Variants in CSMD3 observed in about 807,000 individuals in gnomAD.
CSMD3 encodes the protein CUB and Sushi multiple domains 3.
Under a neutral mutation model 435.2 loss-of-function variants are expected in CSMD3, and 177 were observed. The observed-to-expected ratio is 0.41, with a 90% confidence interval of 0.36 to 0.46. CSMD3 has a LOEUF of 0.46. Ranked by LOEUF, CSMD3 falls within the 20% of genes least tolerant of loss-of-function variation. The pLI, the probability that CSMD3 is intolerant of heterozygous loss-of-function variation, is 0.34. For synonymous variants in CSMD3, 1,656 were observed against 1,520.5 expected, an observed-to-expected ratio of 1.09 and a Z score of -2.07; for missense variants, 4,265 against 4,504.6, an observed-to-expected ratio of 0.95 and a Z score of 1.52.
chr8:112,461,906 A>G (rs1817485829), intron 32 of CSMD3, among the ~76,000 whole-genome samples: 2 of 147,088 alleles, frequency 1.4e-5, no homozygotes, highest in African/African-American at 4.9e-5. Context: ...CAACTTTCCC[A>G]TACTTTAATT....
At chr8:113,238,390 G>A (rs1279473712) in intron 3 of CSMD3, among the ~76,000 whole-genome samples, 1 of 152,024 alleles carries the variant, frequency 6.6e-6, no homozygotes, top group Non-Finnish European at 1.5e-5. Context: ...AATTATATTG[G>A]GGTTAGACCA....
At chr8:112,626,496 TAATC>T (rs1211061968) in intron 22 of CSMD3, among the ~76,000 whole-genome samples, 1 of 152,100 alleles carries the variant, frequency 6.6e-6, no homozygotes, top group African/African-American at 2.4e-5. Flanking sequence ...AAAGTAGAAA[TAATC>T]TATATACACA....
intron 3 of CSMD3, among the ~76,000 whole-genome samples, chr8:113,179,662 C>T (rs1405031970): frequency 1.3e-5 from 2 of 151,636 alleles, no homozygotes; most frequent in Non-Finnish European, 2.9e-5. Context: ...CAATGAATTG[C>T]AGGCTAAAAA....
chr8:113,221,704 C>G (rs1278741227), intron 3 of CSMD3, among the ~76,000 whole-genome samples: 2 of 151,206 alleles, frequency 1.3e-5, no homozygotes, highest in Non-Finnish European at 3.0e-5. Flanking sequence ...CTCTTCCTTA[C>G]ATATTTTGCC....
intron 27 of CSMD3, among the ~76,000 whole-genome samples, chr8:112,522,396 A>G (rs1006114935): frequency 6.6e-6 from 1 of 151,902 alleles, no homozygotes; most frequent in Non-Finnish European, 1.5e-5. Flanking sequence ...TGTTTTTACA[A>G]TGCCATCAAT....
chr8:113,311,886 G>T lies in CSMD3; in HGVS notation c.401+2685C>A, dbSNP rs868051809. On this transcript the variant is annotated intron_variant, in intron 2 of 70. Transcript: ENST00000297405. Reference sequence around the variant, plus strand: ...AACATAGACTACATGTTAGAATATAGTCTTGTCATTTTGCTTGTATAAATA... The same window carrying T: ...AACATAGACTACATGTTAGAATATATTCTTGTCATTTTGCTTGTATAAATA... The T allele has an allele frequency of 3.9e-5, 6 of 152,156 alleles. No homozygotes were observed. In the South Asian group the frequency reaches 1.2e-3, roughly 32 times the overall value. The allele number at this position is 152,156 out of a possible 1,614,324, so 9.4% of individuals were successfully genotyped here.
chr8:112,281,146 G>A, intron 59 of CSMD3, 28 bp downstream of exon 59: 2 of 1,536,830 alleles, frequency 1.3e-6, no homozygotes, highest in East Asian at 2.3e-5. Context: ...TATAATTACT[G>A]ATTTTTAAAT....
Position 112,238,612 on chromosome 8 carries a change from A to G in CSMD3, c.10469-1264T>C, listed in dbSNP as rs557249056. 2.6e-5 allele frequency among the ~76,000 whole-genome samples: 4 copies of G among 152,100 alleles called. No homozygotes were observed. The South Asian group carries it at 6.2e-4, about 24-fold the overall frequency. ...CATGATTTTAAATGAAATACTGCTG[A>G]ATGTTTTCTCATATAACATGCTATT... On this transcript the variant is annotated intron_variant, in intron 66 of 70. Coordinates refer to ENST00000297405, the MANE Select transcript of CSMD3 (RefSeq NM_198123.2).
chr8:113,062,275 A>T (rs1016539647), intron 5 of CSMD3, among the ~76,000 whole-genome samples: 2 of 151,930 alleles, frequency 1.3e-5, no homozygotes, highest in Admixed American at 1.3e-4. Flanking sequence ...AATAAGCCTA[A>T]GAAGTTTGTA....
At chr8:112,752,387 C>T (rs780138613) in intron 13 of CSMD3, among the ~76,000 whole-genome samples, 2 of 152,112 alleles carry the variant, frequency 1.3e-5, no homozygotes, top group African/African-American at 2.4e-5. Flanking sequence ...CTGAACAACC[C>T]CCAAATTTTT....
At chr8:113,179,037 T>C (rs1246075629) in intron 3 of CSMD3, among the ~76,000 whole-genome samples, 2 of 151,862 alleles carry the variant, frequency 1.3e-5, no homozygotes, top group Non-Finnish European at 2.9e-5. Flanking sequence ...TAAGCATGCA[T>C]GATATAAAGT....
intron 3 of CSMD3, among the ~76,000 whole-genome samples, chr8:113,182,519 CA>C (rs34107182): frequency 0.38 from 54,495 of 142,858 alleles, 10,860 homozygotes; most frequent in East Asian, 0.7. Context: ...CTGATGCTGC[CA>C]AAAAAAAAAA....
chr8:113,214,739 T>A (rs1364505066), intron 3 of CSMD3, among the ~76,000 whole-genome samples: 1 of 151,866 alleles, frequency 6.6e-6, no homozygotes, highest in African/African-American at 2.4e-5. Flanking sequence ...AATAAAGATA[T>A]ACTCACACTA....
intron 24 of CSMD3, among the ~76,000 whole-genome samples, chr8:112,569,687 G>A (rs772111399): frequency 6.6e-6 from 1 of 152,056 alleles, no homozygotes; most frequent in Non-Finnish European, 1.5e-5. Flanking sequence ...TTGATAGGAT[G>A]GCCAAAAACA....
chr8:113,306,552 A>T (rs796399263), intron 2 of CSMD3, among the ~76,000 whole-genome samples: 4 of 152,266 alleles, frequency 2.6e-5, no homozygotes, highest in African/African-American at 9.6e-5. Flanking sequence ...CATTATGCCT[A>T]CAGGAAAGGA....
At chr8:112,693,838 G>A (rs772570100) in intron 13 of CSMD3, among the ~76,000 whole-genome samples, 2 of 151,014 alleles carry the variant, frequency 1.3e-5, no homozygotes, top group Admixed American at 6.6e-5. Context: ...TCATTTTTAG[G>A]GATTCTCTAT....
At chr8:113,403,199 A>G (rs1376767292) in intron 1 of CSMD3, among the ~76,000 whole-genome samples, 1 of 151,280 alleles carries the variant, frequency 6.6e-6, no homozygotes, top group African/African-American at 2.4e-5. Flanking sequence ...CTAATGAAAA[A>G]CTGCTTCATA....
At chr8:112,530,689 A>T (rs1172863994) in intron 27 of CSMD3, among the ~76,000 whole-genome samples, 1 of 152,206 alleles carries the variant, frequency 6.6e-6, no homozygotes, top group Non-Finnish European at 1.5e-5. Context: ...CAAACGTACA[A>T]CACAAGAATA....
chr8:112,757,542 AT>A (rs1243257514), intron 13 of CSMD3, among the ~76,000 whole-genome samples: 3 of 152,084 alleles, frequency 2.0e-5, no homozygotes, highest in Admixed American at 6.6e-5. Flanking sequence ...TAATTATTTC[AT>A]TTAAAATATT....
Sources: allele counts gnomAD v4.1 joint callset (sites outside exome capture counted in the v4.1 genomes callset), GRCh38; gene constraint gnomAD v4.1.1; transcripts MANE v1.5; gene names NCBI Gene and HGNC (gene_info 2026-07-23, HGNC 2026-07-21).